Variants in SLC9A4 observed in about 807,000 individuals in gnomAD.
SLC9A4 encodes solute carrier family 9 member A4, also known as sodium/hydrogen exchanger 4.
In SLC9A4, 63 loss-of-function variants were observed where a neutral mutation model predicts 67.4. That is an observed-to-expected ratio of 0.93 (90% CI 0.76 to 1.15). The LOEUF (loss-of-function observed/expected upper bound fraction) is 1.15, where lower values mean the gene tolerates loss of function less well. Among genes scored for constraint, SLC9A4 ranks in the 50% most tolerant of loss-of-function variants. SLC9A4 has a pLI of 0.00. For missense variants in SLC9A4, 1,089 were observed against 987.7 expected, an observed-to-expected ratio of 1.10 and a Z score of -1.38; for synonymous variants, 393 against 367.2, an observed-to-expected ratio of 1.07 and a Z score of -0.80.
chr2:102,515,837 CCT>C (rs1558670524), intron 8 of SLC9A4, among the ~76,000 whole-genome samples: 1 of 151,980 alleles, frequency 6.6e-6, no homozygotes, highest in Non-Finnish European at 1.5e-5. Flanking sequence ...CAGGCCTTGC[CCT>C]CATGGACACC....
rs1425342183 is a variant in SLC9A4 at position 102,503,637 on chromosome 2, CTCATCG to C, written c.913_918del (p.Ile305_Val306del). The C allele has an allele frequency of 6.2e-7, 1 of 1,614,086 alleles. No homozygotes were observed. Among genetic ancestry groups the C allele is most frequent in the Non-Finnish European group, 8.5e-7 (1 of 1,180,046 alleles). Reference sequence around the variant, plus strand: ...TCAGAATATCTCTGCAATTGAGCCACTCATCGTCTTCATGTTCAGCTATTTGTCTTA... The same window carrying C: ...TCAGAATATCTCTGCAATTGAGCCACTCTTCATGTTCAGCTATTTGTCTTA... On this transcript the variant is annotated inframe_deletion, in exon 3 of 12. Coordinates refer to ENST00000295269, the MANE Select transcript of SLC9A4 (RefSeq NM_001011552.4).
intron 9 of SLC9A4, among the ~76,000 whole-genome samples, chr2:102,520,703 G>T (rs115107370): frequency 0.014 from 2,190 of 152,282 alleles, 46 homozygotes; most frequent in African/African-American, 0.05. Context: ...GTTGATCATA[G>T]TCTTAATGAA....
At chr2:102,492,118 C>G (rs1321176178) in intron 2 of SLC9A4, among the ~76,000 whole-genome samples, 1 of 152,204 alleles carries the variant, frequency 6.6e-6, no homozygotes, top group South Asian at 2.1e-4. Flanking sequence ...TTGCAGGGTA[C>G]AGCCCCCACC....
chr2:102,501,072 C>T, intron 2 of SLC9A4, among the ~76,000 whole-genome samples: 1 of 151,352 alleles, frequency 6.6e-6, no homozygotes, highest in Non-Finnish European at 1.5e-5. Context: ...GATTCTCCTG[C>T]CTCAGTCTCC....
At chr2:102,527,376 A>T (rs1674687316) in intron 11 of SLC9A4, among the ~76,000 whole-genome samples, 2 of 152,202 alleles carry the variant, frequency 1.3e-5, no homozygotes, top group Non-Finnish European at 2.9e-5. Context: ...TGTTGTACCT[A>T]GGTTTCCATG....
chr2:102,525,175 T>C lies in SLC9A4; in HGVS notation c.1950+20T>C, dbSNP rs1323000503. ...AAGCCGGTACATTGGGGCTGGGGAC[T>C]GGGACATTCCTTCAGTGTGCAAGTG... On this transcript the variant is annotated intron_variant, in intron 10 of 11. Transcript: ENST00000295269. 1.9e-6 allele frequency: 3 copies of C among 1,613,558 alleles called. No homozygotes were observed. The highest frequency in any genetic ancestry group is 2.5e-6 in the Non-Finnish European group (3 of 1,179,802).
intron 2 of SLC9A4, among the ~76,000 whole-genome samples, chr2:102,495,026 C>T (rs1478106303): frequency 6.6e-6 from 1 of 152,078 alleles, no homozygotes; most frequent in Non-Finnish European, 1.5e-5. Context: ...CTACCGCAAA[C>T]TCAACATTAT....
intron 2 of SLC9A4, among the ~76,000 whole-genome samples, chr2:102,502,125 C>G (rs981443138): frequency 2.0e-5 from 3 of 152,142 alleles, no homozygotes; most frequent in African/African-American, 4.8e-5. Context: ...TTTCGCAGGA[C>G]TCTTCAGGGG....
At chr2:102,504,627 A>G (rs544919235) in intron 3 of SLC9A4, among the ~76,000 whole-genome samples, 1 of 152,354 alleles carries the variant, frequency 6.6e-6, no homozygotes, top group African/African-American at 2.4e-5. Flanking sequence ...CTATTCAGGC[A>G]GATACATTTA....
intron 8 of SLC9A4, among the ~76,000 whole-genome samples, chr2:102,518,596 C>T (rs115093393): frequency 2.4e-3 from 367 of 152,324 alleles, no homozygotes; most frequent in African/African-American, 8.7e-3. Flanking sequence ...CTACAGATAG[C>T]ATTGCTAAAC....
At chr2:102,524,988 A>G (rs2015478) in intron 9 of SLC9A4, 36 bp from the exon 10 acceptor site, 1,018,644 of 1,610,508 alleles carry the variant, frequency 0.63, 323,753 homozygotes, top group Admixed American at 0.72. Flanking sequence ...TGTATGGAGG[A>G]GTCCTTACGT....
intron 2 of SLC9A4, among the ~76,000 whole-genome samples, chr2:102,483,944 T>C (rs1346046681): frequency 4.7e-5 from 7 of 149,610 alleles, no homozygotes; most frequent in African/African-American, 9.8e-5. Context: ...TATATAAACA[T>C]CATGTTGTAC....
intron 11 of SLC9A4, among the ~76,000 whole-genome samples, 158 bp from the exon 12 acceptor site, chr2:102,532,172 C>T (rs576588774): frequency 6.6e-6 from 1 of 152,226 alleles, no homozygotes; most frequent in South Asian, 2.1e-4. Flanking sequence ...GGGCAGTGTC[C>T]TTGAGAAGGA....
intron 1 of SLC9A4, 44 bp from the exon 2 acceptor site, chr2:102,478,795 C>A: frequency 1.3e-6 from 2 of 1,579,172 alleles, no homozygotes; most frequent in Non-Finnish European, 1.7e-6. Flanking sequence ...TACACCCAGA[C>A]CGTTTCGTTT....
chr2:102,482,870 CA>C (rs1684495152), intron 2 of SLC9A4, among the ~76,000 whole-genome samples: 1 of 152,334 alleles, frequency 6.6e-6, no homozygotes, highest in East Asian at 1.9e-4. Flanking sequence ...ATATAATCTA[CA>C]AAAGTTCTTG....
At chr2:102,508,793 C>A in intron 5 of SLC9A4, 54 bp from the exon 6 acceptor site, 1 of 1,411,644 alleles carries the variant, frequency 7.1e-7, no homozygotes, top group Non-Finnish European at 9.9e-7. Flanking sequence ...TTTGCTCTCT[C>A]TAGTGACAGT....
At chr2:102,515,985 T>A (rs1328017328) in intron 8 of SLC9A4, among the ~76,000 whole-genome samples, 1 of 152,192 alleles carries the variant, frequency 6.6e-6, no homozygotes, top group Non-Finnish European at 1.5e-5. Flanking sequence ...GAAGGATGAA[T>A]GCTGATTAAT....
At chr2:102,526,182 C>T in intron 10 of SLC9A4, 77 bp from the exon 11 acceptor site, 2 of 1,464,010 alleles carry the variant, frequency 1.4e-6, no homozygotes, top group South Asian at 1.1e-5. Flanking sequence ...GCCACAGTGT[C>T]TGGCCCTTTA....
intron 7 of SLC9A4, among the ~76,000 whole-genome samples, chr2:102,512,927 G>C (rs1685194575): frequency 6.6e-6 from 1 of 152,154 alleles, no homozygotes; most frequent in Non-Finnish European, 1.5e-5. Flanking sequence ...TTGAGAAGAA[G>C]TGGTCAGAGA....
Sources: gnomAD v4.1 joint callset for allele counts (sites outside exome capture counted in the v4.1 genomes callset) on GRCh38, gnomAD v4.1.1 for gene constraint, MANE v1.5 for transcripts, NCBI Gene and HGNC (gene_info 2026-07-23, HGNC 2026-07-21) for gene names.